The following CDH13 variants were observed in gnomAD, a reference collection of about 807,000 sequenced individuals.
CDH13 encodes cadherin 13.
Under a neutral mutation model 63.8 loss-of-function variants are expected in CDH13, and 24 were observed. The observed-to-expected ratio is 0.38, with a 90% confidence interval of 0.27 to 0.53. The LOEUF is 0.53. Ranked by LOEUF, CDH13 falls within the 20% of genes least tolerant of loss-of-function variation. CDH13 has a pLI of 0.85. For synonymous variants in CDH13, 503 were observed against 355.3 expected (o/e 1.42, Z -4.67); for missense variants, 1,049 against 903.1 (o/e 1.16, Z -2.07).
At position 83,473,691 on chromosome 16, in the gene CDH13, A is replaced by G. The variant is rs1598102021; in HGVS notation, c.782-12786A>G. 3.3e-5 allele frequency among the ~76,000 whole-genome samples: 5 copies of G among 152,308 alleles called. 1 individual carries two copies. The highest frequency in any genetic ancestry group is 3.3e-4 in the Admixed American group (5 of 15,302). ...CACTCTGTAGGGAGAATTCTGGAAA[A>G]TTATCCTACCTGCAAAATGTAATGT... On this transcript the variant is annotated intron_variant, in intron 6 of 13. Coordinates refer to ENST00000567109, the MANE Select transcript of CDH13 (RefSeq NM_001257.5).
intron 10 of CDH13, among the ~76,000 whole-genome samples, chr16:83,694,816 A>T (rs1257514695): frequency 6.6e-6 from 1 of 152,252 alleles, no homozygotes; most frequent in Non-Finnish European, 1.5e-5. Context: ...GGGAGAGTCA[A>T]GCCAGGCCCT....
chr16:83,340,527 T>C (rs1212093815), intron 5 of CDH13, among the ~76,000 whole-genome samples: 1 of 152,196 alleles, frequency 6.6e-6, no homozygotes, highest in Non-Finnish European at 1.5e-5. Flanking sequence ...CACAAGACCC[T>C]TGGATTTCCA....
intron 3 of CDH13, among the ~76,000 whole-genome samples, chr16:83,090,301 C>A (rs2033830416): frequency 1.3e-5 from 2 of 152,254 alleles, no homozygotes; most frequent in East Asian, 1.9e-4. Context: ...GTGGGCCGGG[C>A]ACGGTGGCTC....
intron 7 of CDH13, among the ~76,000 whole-genome samples, chr16:83,520,101 C>G (rs534185846): frequency 6.6e-6 from 1 of 152,026 alleles, no homozygotes; most frequent in Non-Finnish European, 1.5e-5. Flanking sequence ...TGTAGAACAA[C>G]TAGGAGTCTT....
chr16:83,059,117 G>A (rs2031259053), intron 3 of CDH13, among the ~76,000 whole-genome samples: 1 of 152,122 alleles, frequency 6.6e-6, no homozygotes, highest in African/African-American at 2.4e-5. Flanking sequence ...AGAAGAGGAA[G>A]GAGGCCAATC....
chr16:83,198,938 G>A lies in CDH13; in HGVS notation c.484-18407G>A, dbSNP rs187790360. On this transcript the variant is annotated intron_variant, in intron 4 of 13. Transcript: ENST00000567109. Reference sequence around the variant, plus strand: ...ACTATAAAAAATATTCCTCTCTTGGGGATGTTGCATTTTTTGCTTTTATCT... The same window carrying A: ...ACTATAAAAAATATTCCTCTCTTGGAGATGTTGCATTTTTTGCTTTTATCT... Among the ~76,000 whole-genome samples, 687 of 152,262 alleles carry A rather than the reference G, an allele frequency of 4.5e-3. 5 individuals are homozygous for A. Among genetic ancestry groups the A allele is most frequent in the Non-Finnish European group, 6.6e-3 (450 of 68,034 alleles).
At chr16:82,813,295 T>G (rs2151184245) in intron 1 of CDH13, among the ~76,000 whole-genome samples, 1 of 152,204 alleles carries the variant, frequency 6.6e-6, no homozygotes, top group East Asian at 1.9e-4. Context: ...TGCTGATGCG[T>G]TTAGGGCTTC....
intron 1 of CDH13, among the ~76,000 whole-genome samples, chr16:82,741,331 C>T (rs2033923529): frequency 6.6e-6 from 1 of 152,222 alleles, no homozygotes; most frequent in South Asian, 2.1e-4. Context: ...CTCTCTCCCA[C>T]CTGCCTGGTG....
intron 5 of CDH13, among the ~76,000 whole-genome samples, chr16:83,264,747 TG>T (rs1437800015): frequency 2.0e-5 from 3 of 151,830 alleles, no homozygotes; most frequent in Non-Finnish European, 4.4e-5. Context: ...CTCCTTTGGC[TG>T]GTTTTTTTTT....
chr16:83,377,801 T>C (rs574059670), intron 6 of CDH13, among the ~76,000 whole-genome samples: 5 of 152,182 alleles, frequency 3.3e-5, no homozygotes, highest in African/African-American at 4.8e-5. Context: ...AGAAGTGAGA[T>C]TGGTCTTTGT....
intron 4 of CDH13, among the ~76,000 whole-genome samples, chr16:83,168,903 C>G (rs991698245): frequency 1.7e-4 from 26 of 152,138 alleles, no homozygotes; most frequent in African/African-American, 3.9e-4. Flanking sequence ...TTTATTGAAA[C>G]TTTTCCCTAG....
At chr16:83,699,739 CA>C (rs771315761) in intron 10 of CDH13, among the ~76,000 whole-genome samples, 1 of 152,198 alleles carries the variant, frequency 6.6e-6, no homozygotes, top group Non-Finnish European at 1.5e-5. Context: ...AGGGCAGTTA[CA>C]TCACATCACA....
intron 1 of CDH13, among the ~76,000 whole-genome samples, chr16:82,855,494 T>A (rs1567603751): frequency 6.6e-6 from 1 of 152,204 alleles, no homozygotes; most frequent in Non-Finnish European, 1.5e-5. Context: ...AGGAGACCCT[T>A]GACCATTTGC....
rs2037264542 is a variant in CDH13, at chr16:83,157,664, G to A, written c.483+32163G>A. Among the ~76,000 whole-genome samples, 5 of 151,736 alleles carry A rather than the reference G, an allele frequency of 3.3e-5. 1 individual carries two copies. The South Asian group carries it at 1.0e-3, about 32-fold the overall frequency. ...CATCCCAGCGCTTTGGGAGGCCGAG[G>A]CGGGCAGATCACAAAGTTAGGAGAT... On this transcript the variant is annotated intron_variant, in intron 4 of 13. Transcript: ENST00000567109.
chr16:83,028,735 T>C (rs150847140), intron 2 of CDH13, among the ~76,000 whole-genome samples: 1 of 152,210 alleles, frequency 6.6e-6, no homozygotes, highest in Non-Finnish European at 1.5e-5. Flanking sequence ...GGCACACAAT[T>C]TGAAACTTAT....
At chr16:83,672,642 C>G (rs1023870784) in intron 9 of CDH13, among the ~76,000 whole-genome samples, 1 of 151,892 alleles carries the variant, frequency 6.6e-6, no homozygotes, top group African/African-American at 2.4e-5. Flanking sequence ...CCAGGCTGGT[C>G]TTGAACTCCT....
intron 2 of CDH13, among the ~76,000 whole-genome samples, chr16:82,938,723 A>T (rs972858967): frequency 6.6e-6 from 1 of 152,208 alleles, no homozygotes; most frequent in African/African-American, 2.4e-5. Context: ...ACAAGGAAAA[A>T]GAAAGGAGAG....
chr16:83,783,394 A>G lies in CDH13; in HGVS notation c.2056A>G (p.Lys686Glu), dbSNP rs764946783. 1.2e-5 allele frequency: 19 copies of G among 1,614,008 alleles called. No homozygotes were observed. The highest frequency in any genetic ancestry group is 1.6e-5 in the Non-Finnish European group (19 of 1,179,880). ...RVQVCSCRNSKVDCNAAGALR... is the reference protein window; with the variant it reads ...RVQVCSCRNSEVDCNAAGALR... ...ACAAGTGTGCTCCTGCAGGAATTCC[A>G]AAGTGGACTGCAACGCGGCAGGGGC... Residue 686 changes from lysine (K) to glutamate (E), a missense_variant, in exon 13 of 14, where the codon AAA becomes GAA. Lys to Glu is a moderately conservative substitution (Grantham distance 56, BLOSUM62 1). Transcript: ENST00000567109.
intron 6 of CDH13, among the ~76,000 whole-genome samples, chr16:83,426,357 T>G (rs772551011): frequency 6.6e-6 from 1 of 152,138 alleles, no homozygotes; most frequent in African/African-American, 2.4e-5. Flanking sequence ...TCCCCCTCAT[T>G]TGAGAAGCCA....
Sources: allele counts gnomAD v4.1 joint callset (sites outside exome capture counted in the v4.1 genomes callset), GRCh38; gene constraint gnomAD v4.1.1; transcripts MANE v1.5; gene names NCBI Gene and HGNC (gene_info 2026-07-23, HGNC 2026-07-21).